Variants in MPRIP observed in about 807,000 individuals in gnomAD.
MPRIP encodes the protein myosin phosphatase Rho-interacting protein.
A neutral mutation model predicts 234.9 loss-of-function variants in MPRIP; 59 were observed. That is an observed-to-expected ratio of 0.25 (90% CI 0.20 to 0.31). The LOEUF (loss-of-function observed/expected upper bound fraction) is 0.31, where lower values mean the gene tolerates loss of function less well. Ranked by LOEUF, MPRIP falls within the 10% of genes least tolerant of loss-of-function variation. The pLI is 1.00. For synonymous variants in MPRIP, 1,144 were observed against 1,263.9 expected (o/e 0.91, Z 2.01); for missense variants, 2,436 against 3,071.0 (o/e 0.79, Z 4.89).
intron 3 of MPRIP, among the ~76,000 whole-genome samples, chr17:17,099,441 A>T (rs1183255899): frequency 6.6e-6 from 1 of 152,204 alleles, no homozygotes; most frequent in African/African-American, 2.4e-5. Context: ...AAGTGAAGCA[A>T]ACCTGTAGCT....
At chr17:17,072,904 T>A (rs1305655360) in intron 1 of MPRIP, among the ~76,000 whole-genome samples, 1 of 152,160 alleles carries the variant, frequency 6.6e-6, no homozygotes, top group Non-Finnish European at 1.5e-5. Flanking sequence ...ATGGGGTCCT[T>A]ACCTTCAGGG....
rs1334648449 is a variant in MPRIP, at chr17:17,185,149, G to A, written c.*255G>A. 2.7e-6 allele frequency: 1 copy of A among 373,798 alleles called. No homozygotes were observed. Among genetic ancestry groups the A allele is most frequent in the Non-Finnish European group, 5.2e-6 (1 of 193,402 alleles). The allele number at this position is 373,798 out of a possible 1,614,324, so 23.2% of individuals were successfully genotyped here. Reference sequence around the variant, plus strand: ...AAATTAGGCCAGCAGTGGGGGCTGGGAGGGCATCTGTGTTAGTCCTTTCCT... The same window carrying A: ...AAATTAGGCCAGCAGTGGGGGCTGGAAGGGCATCTGTGTTAGTCCTTTCCT... On this transcript the variant is annotated 3_prime_UTR_variant, in exon 24 of 24. Transcript: ENST00000651222.
At chr17:17,066,914 A>G (rs2089048598) in intron 1 of MPRIP, among the ~76,000 whole-genome samples, 2 of 150,574 alleles carry the variant, frequency 1.3e-5, no homozygotes, top group African/African-American at 4.9e-5. Context: ...ACTTGCCACC[A>G]CACCTAGCTA....
At chr17:17,091,536 C>T (rs959924177) in intron 3 of MPRIP, among the ~76,000 whole-genome samples, 2 of 152,310 alleles carry the variant, frequency 1.3e-5, no homozygotes, top group Middle Eastern at 3.4e-3. Flanking sequence ...GTATTAGGTG[C>T]TGGGTGACTG....
At chr17:17,132,663 C>A (rs919513524) in intron 5 of MPRIP, among the ~76,000 whole-genome samples, 3 of 152,234 alleles carry the variant, frequency 2.0e-5, no homozygotes, top group Non-Finnish European at 4.4e-5. Flanking sequence ...TATACCTGCC[C>A]TGGGCTGCTG....
In MPRIP at chr17:17,044,511, G is replaced by C. The variant is rs146400656; in HGVS notation, c.123+1540G>C. On this transcript the variant is annotated intron_variant, in intron 1 of 23. Transcript: ENST00000651222. ...TTCACTGAGCATTTGTGAAAAGCAA[G>C]AAATGATATTTTATGAAACTTTTTT... Among the ~76,000 whole-genome samples, 6 of 152,252 alleles carry C rather than the reference G, an allele frequency of 3.9e-5. No individual in the cohort carries two copies. The East Asian group carries it at 1.2e-3, about 29-fold the overall frequency.
rs368448975 is a variant in MPRIP at position 17,054,376 on chromosome 17, G to A, written c.123+11405G>A. ...TTTGTGTGATTATCGTAGACTTGAT[G>A]ACTTTTTAGTAGGCAGTTACCTGTA... On this transcript the variant is annotated intron_variant, in intron 1 of 23. Coordinates refer to ENST00000651222, the MANE Select transcript of MPRIP (RefSeq NM_001364716.4). Among the ~76,000 whole-genome samples, 4 of 152,328 alleles carry A rather than the reference G, an allele frequency of 2.6e-5. No individual in the cohort carries two copies. In the South Asian group the frequency reaches 8.3e-4, roughly 32 times the overall value.
At chr17:17,144,888 G>T (rs1274066389) in intron 9 of MPRIP, among the ~76,000 whole-genome samples, 1 of 152,226 alleles carries the variant, frequency 6.6e-6, no homozygotes, top group African/African-American at 2.4e-5. Flanking sequence ...TAAGCAGGCT[G>T]TCAGAGAGGG....
intron 1 of MPRIP, among the ~76,000 whole-genome samples, chr17:17,071,027 G>A (rs569176858): frequency 2.0e-5 from 3 of 152,270 alleles, no homozygotes; most frequent in Admixed American, 2.0e-4. Flanking sequence ...ACTGGGCAAT[G>A]GTAAAAACCC....
chr17:17,080,749 A>G (rs2089443341), intron 3 of MPRIP, among the ~76,000 whole-genome samples: 1 of 152,216 alleles, frequency 6.6e-6, no homozygotes, highest in Admixed American at 6.5e-5. Flanking sequence ...TTAAATTCTT[A>G]TTTATTTTTA....
chr17:17,103,592 C>T (rs2090005948), intron 3 of MPRIP, among the ~76,000 whole-genome samples: 1 of 152,208 alleles, frequency 6.6e-6, no homozygotes, highest in Non-Finnish European at 1.5e-5. Flanking sequence ...AAAACTGCCC[C>T]TTCCCAGGCC....
chr17:17,079,383 T>C (rs2089410672), intron 3 of MPRIP, among the ~76,000 whole-genome samples: 1 of 152,166 alleles, frequency 6.6e-6, no homozygotes, highest in African/African-American at 2.4e-5. Context: ...TGAGCACCGA[T>C]TGTGGACTTG....
intron 1 of MPRIP, among the ~76,000 whole-genome samples, chr17:17,050,343 A>G (rs905468179): frequency 6.6e-6 from 1 of 151,902 alleles, no homozygotes; most frequent in African/African-American, 2.4e-5. Flanking sequence ...AAAGAGGTGA[A>G]ATTAATTTTA....
chr17:17,083,634 C>T (rs1374501104), intron 3 of MPRIP, among the ~76,000 whole-genome samples: 1 of 152,204 alleles, frequency 6.6e-6, no homozygotes, highest in Non-Finnish European at 1.5e-5. Context: ...CCCATTGCTC[C>T]CTAAGCCATT....
Position 17,180,096 on chromosome 17 carries a change from TG to T in MPRIP, c.7206+12del. ...AGAAACATCAGGTCCAAGGTGAGTCTGGGGTCCAGCCCCCTGGTGGGAGGGG... is the reference window on the plus strand; with the variant it reads ...AGAAACATCAGGTCCAAGGTGAGTCTGGGTCCAGCCCCCTGGTGGGAGGGG... On this transcript the variant is annotated intron_variant, in intron 23 of 23. Coordinates refer to ENST00000651222, the MANE Select transcript of MPRIP (RefSeq NM_001364716.4). 6.3e-7 allele frequency: 1 copy of T among 1,576,400 alleles called. No individual in the cohort carries two copies. Among genetic ancestry groups the T allele is most frequent in the Non-Finnish European group, 8.6e-7 (1 of 1,166,938 alleles).
chr17:17,126,580 G>T, intron 3 of MPRIP, 122 bp from the exon 4 acceptor site: 2 of 1,133,812 alleles, frequency 1.8e-6, no homozygotes, highest in Non-Finnish European at 1.2e-6. Context: ...GCTGGGGCTG[G>T]AGTGAGGGAG....
At chr17:17,051,597 A>ACT (rs1167290394) in intron 1 of MPRIP, among the ~76,000 whole-genome samples, 1 of 151,738 alleles carries the variant, frequency 6.6e-6, no homozygotes, top group African/African-American at 2.4e-5. Flanking sequence ...AGGTTCGAAA[A>ACT]CTCTGCCCTA....
At chr17:17,063,563 A>G (rs1003921664) in intron 1 of MPRIP, among the ~76,000 whole-genome samples, 2 of 151,600 alleles carry the variant, frequency 1.3e-5, no homozygotes, top group African/African-American at 2.4e-5. Flanking sequence ...GAAGAGTGAG[A>G]CCCACCTGTC....
intron 1 of MPRIP, among the ~76,000 whole-genome samples, chr17:17,059,025 G>A (rs947838445): frequency 1.3e-5 from 2 of 152,126 alleles, no homozygotes; most frequent in Middle Eastern, 3.2e-3. Flanking sequence ...GTTTACCTGG[G>A]TTATGTCCAT....
Sources: allele counts gnomAD v4.1 joint callset (sites outside exome capture counted in the v4.1 genomes callset), GRCh38; gene constraint gnomAD v4.1.1; transcripts MANE v1.5; gene names NCBI Gene and HGNC (gene_info 2026-07-23, HGNC 2026-07-21).